Variants in CCDC88A observed in about 807,000 individuals in gnomAD.
CCDC88A encodes coiled-coil and HOOK domain protein 88A.
In CCDC88A, 54 loss-of-function variants were observed where a neutral mutation model predicts 234.3. The ratio of observed to expected loss-of-function variants is 0.23; its 90% CI spans 0.19 to 0.29. The LOEUF is 0.29. CCDC88A is among the 10% of genes least tolerant of loss of function. CCDC88A has a pLI of 1.00. For synonymous variants in CCDC88A, 753 were observed against 737.8 expected (o/e 1.02, Z -0.33); for missense variants, 1,832 against 2,123.4 (o/e 0.86, Z 2.70).
chr2:55,399,671 A>G (rs745931355), intron 2 of CCDC88A: 31 of 151,996 alleles, frequency 2.0e-4, no homozygotes, highest in Non-Finnish European at 4.3e-4. Flanking sequence ...AGGACTTTTT[A>G]TTGTTTCATG....
At chr2:55,344,539 T>G (rs1668864222) in intron 10 of CCDC88A, 25 bp from the exon 11 acceptor site, 2 of 1,276,746 alleles carry the variant, frequency 1.6e-6, no homozygotes, top group Non-Finnish European at 2.1e-6. Context: ...CACAAATGTG[T>G]TAATATCTGT....
At chr2:55,318,399 TG>T (rs142231350) in intron 19 of CCDC88A, among the ~76,000 whole-genome samples, 3,269 of 152,206 alleles carry the variant, frequency 0.021, 128 homozygotes, top group African/African-American at 0.074. Flanking sequence ...CCCACCTGAT[TG>T]TTCTGTTTTA....
At chr2:55,296,188 C>T in intron 30 of CCDC88A, 70 bp downstream of exon 30, 5 of 1,364,136 alleles carry the variant, frequency 3.7e-6, no homozygotes, top group East Asian at 2.3e-5. Flanking sequence ...AAAAAAAGCT[C>T]TGAAGTTCAA....
At chr2:55,344,853 T>A (rs1199198058) in intron 10 of CCDC88A, among the ~76,000 whole-genome samples, 1 of 152,198 alleles carries the variant, frequency 6.6e-6, no homozygotes, top group East Asian at 1.9e-4. Context: ...AGGCTTAATG[T>A]ATTGACTGAA....
At chr2:55,412,294 C>G (rs994423140) in intron 2 of CCDC88A, among the ~76,000 whole-genome samples, 3 of 152,014 alleles carry the variant, frequency 2.0e-5, no homozygotes, top group African/African-American at 7.3e-5. Context: ...ACAACTCTGC[C>G]TGGGGACTTC....
At chr2:55,416,443 AATATATATATATATATATATATAT>A (rs60840841) in intron 2 of CCDC88A, among the ~76,000 whole-genome samples, 2 of 15,838 alleles carry the variant, frequency 1.3e-4, no homozygotes, top group South Asian at 3.1e-3. Context: ...TAAATAAATA[AATATATATATATATATATATATAT>A]ATATATATAT....
chr2:55,406,033 C>T (rs1166662511), intron 2 of CCDC88A: 3 of 152,036 alleles, frequency 2.0e-5, no homozygotes, highest in Non-Finnish European at 2.9e-5. Context: ...GTGGCACGCG[C>T]TGTAGTCCCA....
intron 18 of CCDC88A, among the ~76,000 whole-genome samples, chr2:55,321,547 G>A (rs1009828646): frequency 3.4e-5 from 5 of 149,042 alleles, no homozygotes; most frequent in Non-Finnish European, 7.4e-5. Context: ...GTGAGACTCC[G>A]TCTCAAAAAA....
At chr2:55,363,890 G>T in intron 6 of CCDC88A, 60 bp downstream of exon 6, 2 of 868,008 alleles carry the variant, frequency 2.3e-6, no homozygotes, top group South Asian at 1.7e-5. Flanking sequence ...TTAGGAGATA[G>T]ACAAATAAAC....
intron 17 of CCDC88A, among the ~76,000 whole-genome samples, chr2:55,326,648 T>C (rs1424492197): frequency 6.6e-6 from 1 of 152,092 alleles, no homozygotes; most frequent in Non-Finnish European, 1.5e-5. Flanking sequence ...CTGCAACCTC[T>C]ACCTCCTGGA....
chr2:55,313,480 T>C (rs565916299), intron 22 of CCDC88A: 13 of 152,344 alleles, frequency 8.5e-5, no homozygotes, highest in African/African-American at 2.6e-4. Flanking sequence ...GCATTACTAG[T>C]AGGTGGGCTG....
At chr2:55,360,385 G>A (rs1671129320) in intron 7 of CCDC88A, among the ~76,000 whole-genome samples, 1 of 152,082 alleles carries the variant, frequency 6.6e-6, no homozygotes, top group African/African-American at 2.4e-5. Flanking sequence ...CTTTACATTT[G>A]TCTAACATTT....
chr2:55,299,990 G>T, intron 28 of CCDC88A, 71 bp from the exon 29 acceptor site: 2 of 1,038,416 alleles, frequency 1.9e-6, no homozygotes, highest in South Asian at 1.3e-5. Context: ...TTTACATTCT[G>T]ATTACAGAAT....
chr2:55,412,263 T>G (rs1219284761), intron 2 of CCDC88A, among the ~76,000 whole-genome samples: 1 of 152,210 alleles, frequency 6.6e-6, no homozygotes, highest in East Asian at 1.9e-4. Flanking sequence ...GTGAAGGTAC[T>G]TCCGAATCAT....
intron 16 of CCDC88A, chr2:55,329,694 A>C (rs1345883242): frequency 6.6e-6 from 1 of 152,224 alleles, no homozygotes; most frequent in Non-Finnish European, 1.5e-5. Context: ...TTGAAAGAGA[A>C]GACAGAAGAC....
At chr2:55,383,673 C>T (rs906085019) in intron 3 of CCDC88A, among the ~76,000 whole-genome samples, 10 of 150,480 alleles carry the variant, frequency 6.6e-5, no homozygotes, top group Admixed American at 2.7e-4. Flanking sequence ...TACTAAAATA[C>T]TTCGCCTCAA....
chr2:55,407,513 G>C (rs1380731181), intron 2 of CCDC88A, among the ~76,000 whole-genome samples: 1 of 151,644 alleles, frequency 6.6e-6, no homozygotes, highest in Non-Finnish European at 1.5e-5. Context: ...GCTGACACAG[G>C]AAAGTGGCTT....
At chr2:55,383,838 C>T (rs764758231) in intron 3 of CCDC88A, among the ~76,000 whole-genome samples, 3 of 151,954 alleles carry the variant, frequency 2.0e-5, no homozygotes, top group Admixed American at 6.6e-5. Context: ...TATATTAAAC[C>T]ACACCCTCTC....
Position 55,346,170 on chromosome 2 carries a change from C to A in CCDC88A, c.1041+5G>T, listed in dbSNP as rs760658790. 6.3e-6 allele frequency: 10 copies of A among 1,582,702 alleles called. No homozygotes were observed. In the Admixed American group the frequency reaches 8.9e-5, roughly 14 times the overall value. On this transcript the variant is annotated splice_donor_5th_base_variant and intron_variant, in intron 10 of 32. Transcript: ENST00000436346. ...AAATCATGAATGGTTAATTATGCAA[C>A]ATACCTCAACTCTTGCCTTATAAAA... is the stretch of plus-strand genomic sequence containing the variant.
Sources: allele counts gnomAD v4.1 joint callset (sites outside exome capture counted in the v4.1 genomes callset), GRCh38; gene constraint gnomAD v4.1.1; transcripts MANE v1.5; gene names NCBI Gene and HGNC (gene_info 2026-07-23, HGNC 2026-07-21).